The following ADIRF variants were observed in gnomAD, a reference collection of about 807,000 sequenced individuals.
ADIRF encodes the protein adipogenesis regulatory factor, also known as adipogenesis factor rich in obesity.
In ADIRF, 9 loss-of-function variants were observed where a neutral mutation model predicts 7.8. The ratio of observed to expected loss-of-function variants is 1.15; its 90% CI spans 0.70 to 2.01. The LOEUF (loss-of-function observed/expected upper bound fraction) is 2.01. Ranked by LOEUF, ADIRF falls within the 30% of genes most tolerant of loss-of-function variation. The pLI is 0.00. For missense variants in ADIRF, 106 were observed against 98.1 expected, an observed-to-expected ratio of 1.08 and a Z score of -0.34; for synonymous variants, 48 against 39.9, an observed-to-expected ratio of 1.20 and a Z score of -0.77.
Position 86,968,538 on chromosome 10 carries a change from C to T in ADIRF, c.-7C>T, listed in dbSNP as rs1844510272. ...GCTCTTGACGACTCCACAGATACCCCGAAGCCATGGCAAGCAAGGGCTTGC... is the reference window on the plus strand; with the variant it reads ...GCTCTTGACGACTCCACAGATACCCTGAAGCCATGGCAAGCAAGGGCTTGC... On this transcript the variant is annotated 5_prime_UTR_variant, in exon 1 of 3. Coordinates refer to ENST00000372013, the MANE Select transcript of ADIRF (RefSeq NM_006829.3). 1.2e-6 allele frequency: 2 copies of T among 1,613,598 alleles called. No homozygotes were observed. The highest frequency in any genetic ancestry group is 2.2e-5 in the East Asian group (1 of 44,856).
intron 1 of ADIRF, 67 bp downstream of exon 1, chr10:86,968,672 G>T: frequency 3.9e-6 from 6 of 1,549,142 alleles, no homozygotes; most frequent in East Asian, 2.4e-5. Context: ...CAGAAGCAGC[G>T]GGTCGGCGCG....
At chr10:86,968,757 C>T (rs1320084922) in intron 1 of ADIRF, 152 bp downstream of exon 1, 6 of 796,064 alleles carry the variant, frequency 7.5e-6, no homozygotes, top group Non-Finnish European at 1.1e-5. Context: ...GCAGGCAGAA[C>T]GCCCACCCCG....
At position 86,970,137 on chromosome 10, in the gene ADIRF, G is replaced by A; in HGVS notation, c.62-63G>A. On this transcript the variant is annotated intron_variant, in intron 1 of 2. Coordinates refer to ENST00000372013, the MANE Select transcript of ADIRF (RefSeq NM_006829.3). The stretch of plus-strand genomic sequence containing the variant: ...CTGGAGGACACAGAGGCATGGCAAT[G>A]GTGGGGCACCTGTAGTCGGTGGTGC... 6 of 1,388,240 alleles carry A rather than the reference G, an allele frequency of 4.3e-6. No homozygotes were observed. In the South Asian group the frequency reaches 1.1e-4, roughly 25 times the overall value. 86.0% of individuals were successfully genotyped at this position (1,388,240 alleles called of 1,614,324 possible).
Position 86,970,767 on chromosome 10 carries a change from C to T in ADIRF, c.*185C>T, listed in dbSNP as rs976235510. 4 of 669,744 alleles carry T rather than the reference C, an allele frequency of 6.0e-6. No individual in the cohort carries two copies. In the African/African-American group the frequency reaches 7.1e-5, roughly 12 times the overall value. 41.5% of individuals were successfully genotyped at this position (669,744 alleles called of 1,614,324 possible). A position where few individuals can be genotyped will look rare whatever the true frequency, so the allele number is the denominator to read the frequency against. On this transcript the variant is annotated 3_prime_UTR_variant, in exon 3 of 3. Transcript: ENST00000372013. ...ACTTCATGATTCCTCGCAAGCTGGG[C>T]CCAGTCCTCTCATCCCAAGAGCAGA...
In ADIRF at chr10:86,970,459, C is replaced by G. The variant is rs1405611227; in HGVS notation, c.125-17C>G. The G allele has an allele frequency of 4.4e-6, 7 of 1,606,718 alleles. No individual in the cohort carries two copies. Among genetic ancestry groups the G allele is most frequent in the Non-Finnish European group, 6.0e-6 (7 of 1,175,586 alleles). ...CCGGGCCCTGCCTGACCTGCCCTCT[C>G]TCCCGCCCTTCCCCAGCCATGGACC... On this transcript the variant is annotated splice_polypyrimidine_tract_variant and intron_variant, in intron 2 of 2. Transcript: ENST00000372013.
chr10:86,970,368 C>G, intron 2 of ADIRF, 106 bp downstream of exon 2: 1 of 1,501,330 alleles, frequency 6.7e-7, no homozygotes, highest in Non-Finnish European at 9.1e-7. Context: ...AGCCCTCTGT[C>G]CACAATGCCC....
At position 86,970,840 on chromosome 10, in the gene ADIRF, A is replaced by C; in HGVS notation, c.*258A>C. On this transcript the variant is annotated 3_prime_UTR_variant, in exon 3 of 3. Coordinates refer to ENST00000372013, the MANE Select transcript of ADIRF (RefSeq NM_006829.3). The stretch of plus-strand genomic sequence containing the variant: ...CCTCCCAAATTCGGAAATCCAATCC[A>C]ACGGTCTCAGGAATGTTTTCCATCC... 4 of 557,500 alleles carry C rather than the reference A, an allele frequency of 7.2e-6. No homozygotes were observed. The highest frequency in any genetic ancestry group is 1.4e-5 in the Non-Finnish European group (4 of 293,056). 34.5% of individuals were successfully genotyped at this position (557,500 alleles called of 1,614,324 possible). A position where few individuals can be genotyped will look rare whatever the true frequency, so the allele number is the denominator to read the frequency against.
intron 2 of ADIRF, 83 bp from the exon 3 acceptor site, chr10:86,970,393 G>A (rs566867890): frequency 4.4e-5 from 66 of 1,511,186 alleles, no homozygotes; most frequent in Non-Finnish European, 5.6e-5. Flanking sequence ...CAGGTCCCCC[G>A]GGAGACCCAG....
intron 1 of ADIRF, 116 bp from the exon 2 acceptor site, chr10:86,970,084 A>G: frequency 9.9e-7 from 1 of 1,006,866 alleles, no homozygotes; most frequent in Non-Finnish European, 1.3e-6. Context: ...CATGGCATCC[A>G]TCCCTTGGAC....
At position 86,970,280 on chromosome 10, in the gene ADIRF, G is replaced by A; in HGVS notation, c.124+18G>A. On this transcript the variant is annotated intron_variant, in intron 2 of 2. Transcript: ENST00000372013. ...GCAGAAAGGTCTGGTGGGGCTGGAG[G>A]GAGGCGGGCAACCCCAGCACACCTC... The A allele has an allele frequency of 6.8e-7, 1 of 1,473,856 alleles. No homozygotes were observed. Among genetic ancestry groups the A allele is most frequent in the South Asian group, 1.4e-5 (1 of 71,366 alleles). 91.3% of individuals were successfully genotyped at this position (1,473,856 alleles called of 1,614,324 possible).
chr10:86,970,202 T>A lies in ADIRF; in HGVS notation c.64T>A (p.Ser22Thr). ...AAAGCCACATCTCTCTGTTCCAGTGTCAGCGGCCGGAGCGGCAGCTCAGCA... is the reference window on the plus strand; with the variant it reads ...AAAGCCACATCTCTCTGTTCCAGTGACAGCGGCCGGAGCGGCAGCTCAGCA... Reference protein sequence around the residue: ...QVEGTAQEAVSAAGAAAQQVV... With the variant: ...QVEGTAQEAVTAAGAAAQQVV... Residue 22 changes from serine to threonine, a missense_variant and splice_region_variant, in exon 2 of 3, where the codon TCA (serine) becomes ACA (threonine). Transcript: ENST00000372013. 2 of 1,453,154 alleles carry A rather than the reference T, an allele frequency of 1.4e-6. No homozygotes were observed. Among genetic ancestry groups the A allele is most frequent in the Non-Finnish European group, 1.8e-6 (2 of 1,099,718 alleles). 90.0% of individuals were successfully genotyped at this position (1,453,154 alleles called of 1,614,324 possible).
At chr10:86,968,844 T>C (rs1378515536) in intron 1 of ADIRF, 4 of 493,556 alleles carry the variant, frequency 8.1e-6, no homozygotes, top group Non-Finnish European at 1.4e-5. Flanking sequence ...CTGCGGGCAC[T>C]GCGGGAGCCC....
At chr10:86,969,554 C>A (rs1844539830) in intron 1 of ADIRF, 1 of 152,232 alleles carries the variant, frequency 6.6e-6, no homozygotes, top group Admixed American at 6.5e-5. Flanking sequence ...CCTGTCAGCC[C>A]CCCCGGGGCT....
chr10:86,970,683 G>GC lies in ADIRF; in HGVS notation c.*102dup. On this transcript the variant is annotated 3_prime_UTR_variant, in exon 3 of 3. Coordinates refer to ENST00000372013, the MANE Select transcript of ADIRF (RefSeq NM_006829.3). ...AGCACAGCCTGGCCCTGATCTCCGGGCAGCCACCACCTCCTCGGTCTGCCC... is the reference window on the plus strand; with the variant it reads ...AGCACAGCCTGGCCCTGATCTCCGGGCCAGCCACCACCTCCTCGGTCTGCCC... The GC allele has an allele frequency of 4.0e-6, 4 of 1,003,844 alleles. No homozygotes were observed. The highest frequency in any genetic ancestry group is 6.2e-6 in the Non-Finnish European group (4 of 648,198). 62.2% of individuals were successfully genotyped at this position (1,003,844 alleles called of 1,614,324 possible). A position where few individuals can be genotyped will look rare whatever the true frequency, so the allele number is the denominator to read the frequency against.
intron 1 of ADIRF, 191 bp from the exon 2 acceptor site, chr10:86,970,009 C>T: frequency 2.4e-6 from 1 of 424,858 alleles, no homozygotes; most frequent in Non-Finnish European, 4.1e-6. Context: ...ACAAAAACAT[C>T]CCAGAGGCAT....
chr10:86,970,739 TC>T lies in ADIRF; in HGVS notation c.*159del. On this transcript the variant is annotated 3_prime_UTR_variant, in exon 3 of 3. Transcript: ENST00000372013. The stretch of plus-strand genomic sequence containing the variant: ...TTAAAATTCACGTTCCCACCCTGTG[TC>T]CACTTCATGATTCCTCGCAAGCTGG... The T allele has an allele frequency of 1.4e-6, 1 of 715,958 alleles. No individual in the cohort carries two copies. Among genetic ancestry groups the T allele is most frequent in the Non-Finnish European group, 2.5e-6 (1 of 398,056 alleles). 44.4% of individuals were successfully genotyped at this position (715,958 alleles called of 1,614,324 possible). A position where few individuals can be genotyped will look rare whatever the true frequency, so the allele number is the denominator to read the frequency against.
intron 1 of ADIRF, chr10:86,969,611 G>T (rs1844542011): frequency 6.6e-6 from 1 of 152,296 alleles, no homozygotes; most frequent in African/African-American, 2.4e-5. Flanking sequence ...AGAGGAGATA[G>T]TCCGGCCTTG....
chr10:86,969,516 T>C (rs1406527296), intron 1 of ADIRF: 1 of 152,230 alleles, frequency 6.6e-6, no homozygotes, highest in Admixed American at 6.5e-5. Flanking sequence ...GCAGCAGGGA[T>C]GAGTTACAGC....
At position 86,970,563 on chromosome 10, in the gene ADIRF, A is replaced by C. The variant is rs752130957; in HGVS notation, c.212A>C (p.Lys71Thr). Residue 71 changes from lysine to threonine, a missense_variant, in exon 3 of 3, where the codon AAA becomes ACA. Lys to Thr is a moderately conservative substitution (Grantham distance 78). Coordinates refer to ENST00000372013, the MANE Select transcript of ADIRF (RefSeq NM_006829.3). ...ASDTFSGIGK[K>T]FGLLK The stretch of plus-strand genomic sequence containing the variant: ...GACACCTTCTCTGGGATTGGGAAAA[A>C]ATTCGGCCTCCTGAAATGACAGCAG... 9.3e-6 allele frequency: 15 copies of C among 1,612,548 alleles called. No individual in the cohort carries two copies. Among genetic ancestry groups the C allele is most frequent in the Non-Finnish European group, 1.2e-5 (14 of 1,179,364 alleles).
Sources: gnomAD v4.1 joint callset for allele counts on GRCh38, gnomAD v4.1.1 for gene constraint, MANE v1.5 for transcripts, NCBI Gene and HGNC (gene_info 2026-07-23, HGNC 2026-07-21) for gene names.